MDGA2: variants seen among roughly 807,000 people sequenced by gnomAD.
MDGA2 encodes the protein MAM domain-containing glycosylphosphatidylinositol anchor protein 2.
Under a neutral mutation model 117.8 loss-of-function variants are expected in MDGA2, and 40 were observed. The observed-to-expected ratio is 0.34, with a 90% CI of 0.26 to 0.44. The LOEUF is 0.44. Ranked by LOEUF, MDGA2 falls within the 20% of genes least tolerant of loss-of-function variation. MDGA2 has a pLI of 1.00. For missense variants in MDGA2, 1,123 were observed against 1,250.6 expected, an observed-to-expected ratio of 0.90 and a Z score of 1.54; for synonymous variants, 452 against 439.0, an observed-to-expected ratio of 1.03 and a Z score of -0.37.
chr14:47,459,200 TG>T (rs1437388891), intron 1 of MDGA2, among the ~76,000 whole-genome samples: 3 of 151,314 alleles, frequency 2.0e-5, no homozygotes, highest in African/African-American at 7.3e-5. Context: ...TTACTGATGA[TG>T]GGTGAAAGGA....
intron 1 of MDGA2, among the ~76,000 whole-genome samples, chr14:47,462,331 G>A (rs1488547062): frequency 1.4e-5 from 2 of 146,512 alleles, no homozygotes; most frequent in Admixed American, 6.9e-5. Flanking sequence ...AGCCCAGATC[G>A]TGCCACTGCA....
intron 7 of MDGA2, among the ~76,000 whole-genome samples, chr14:47,041,580 T>A (rs1459281065): frequency 2.0e-5 from 3 of 152,086 alleles, no homozygotes; most frequent in African/African-American, 7.2e-5. Context: ...CAGGAGATGT[T>A]ATAATCAGAG....
chr14:47,073,386 C>G (rs185960582), intron 6 of MDGA2, among the ~76,000 whole-genome samples: 6 of 152,268 alleles, frequency 3.9e-5, no homozygotes, highest in South Asian at 4.1e-4. Context: ...CTCTATAGAG[C>G]CTCAATCTCC....
chr14:47,296,946 T>C (rs1889094770), intron 2 of MDGA2, among the ~76,000 whole-genome samples: 2 of 152,168 alleles, frequency 1.3e-5, no homozygotes, highest in Admixed American at 1.3e-4. Flanking sequence ...TGGTTCAAAC[T>C]TTAGTGGACA....
chr14:47,225,044 C>T (rs1886435588), intron 2 of MDGA2, among the ~76,000 whole-genome samples: 1 of 152,108 alleles, frequency 6.6e-6, no homozygotes, highest in African/African-American at 2.4e-5. Flanking sequence ...AAAAAAGAAC[C>T]ACAATTTTCT....
At chr14:46,969,533 C>T (rs1331930688) in intron 8 of MDGA2, among the ~76,000 whole-genome samples, 2 of 152,158 alleles carry the variant, frequency 1.3e-5, no homozygotes, top group Admixed American at 1.3e-4. Flanking sequence ...TGTCTGTTGG[C>T]TGCATAAATG....
At chr14:47,481,975 T>C (rs1893963054) in intron 1 of MDGA2, among the ~76,000 whole-genome samples, 1 of 151,948 alleles carries the variant, frequency 6.6e-6, no homozygotes, top group Admixed American at 6.6e-5. Context: ...TTCAGTAATG[T>C]TACAGGTACA....
chr14:46,853,206 G>T (rs1566491396), intron 15 of MDGA2, among the ~76,000 whole-genome samples: 1 of 151,772 alleles, frequency 6.6e-6, no homozygotes, highest in Non-Finnish European at 1.5e-5. Flanking sequence ...AAGTAAATTA[G>T]ACATTGCAGA....
chr14:47,384,232 C>T (rs957469626), intron 1 of MDGA2, among the ~76,000 whole-genome samples: 1 of 150,730 alleles, frequency 6.6e-6, no homozygotes, highest in Middle Eastern at 3.4e-3. Flanking sequence ...TACTTGGCAG[C>T]ATTGATGGAG....
intron 9 of MDGA2, among the ~76,000 whole-genome samples, chr14:46,940,766 A>C (rs1344150691): frequency 6.6e-6 from 1 of 152,150 alleles, no homozygotes; most frequent in Non-Finnish European, 1.5e-5. Context: ...GAAAGAACTG[A>C]ATGTTCAATG....
At chr14:47,173,421 G>T (rs1430132433) in intron 3 of MDGA2, among the ~76,000 whole-genome samples, 1 of 152,300 alleles carries the variant, frequency 6.6e-6, no homozygotes, top group Non-Finnish European at 1.5e-5. Context: ...TACCCACAAA[G>T]GGAAGCACAT....
intron 1 of MDGA2, among the ~76,000 whole-genome samples, chr14:47,666,892 A>G (rs1897983349): frequency 6.6e-6 from 1 of 152,130 alleles, no homozygotes. Flanking sequence ...AACTCCAGAC[A>G]TACCGCCTTA....
chr14:47,529,081 C>T (rs935945153), intron 1 of MDGA2, among the ~76,000 whole-genome samples: 1 of 151,858 alleles, frequency 6.6e-6, no homozygotes, highest in African/African-American at 2.4e-5. Flanking sequence ...TCACTACAAG[C>T]TCCGCCCCCC....
chr14:47,109,201 C>T (rs779282545), intron 5 of MDGA2, among the ~76,000 whole-genome samples: 1 of 152,184 alleles, frequency 6.6e-6, no homozygotes, highest in Non-Finnish European at 1.5e-5. Context: ...ATTTTAAGCA[C>T]AGTACTAGAC....
At chr14:47,651,030 G>C (rs1218403447) in intron 1 of MDGA2, among the ~76,000 whole-genome samples, 1 of 151,982 alleles carries the variant, frequency 6.6e-6, no homozygotes, top group Admixed American at 6.6e-5. Context: ...GAAGCTTTTT[G>C]GGTCTTTATT....
chr14:47,669,179 C>T (rs2138313859), intron 1 of MDGA2, among the ~76,000 whole-genome samples: 1 of 152,176 alleles, frequency 6.6e-6, no homozygotes, highest in South Asian at 2.1e-4. Context: ...TGCTTCTCAA[C>T]CAGGGTTTAA....
intron 3 of MDGA2, among the ~76,000 whole-genome samples, chr14:47,174,705 C>T (rs973853983): frequency 1.3e-5 from 2 of 151,940 alleles, no homozygotes; most frequent in Non-Finnish European, 2.9e-5. Context: ...AGGAAAGATA[C>T]AAAATTGACA....
At chr14:47,615,111 T>C (rs1896925858) in intron 1 of MDGA2, among the ~76,000 whole-genome samples, 2 of 152,134 alleles carry the variant, frequency 1.3e-5, no homozygotes, top group African/African-American at 4.8e-5. Context: ...TGTGGTATTA[T>C]TATTATTATT....
intron 7 of MDGA2, among the ~76,000 whole-genome samples, 175 bp from the exon 8 acceptor site, chr14:47,035,479 T>A (rs1180229736): frequency 6.6e-6 from 1 of 152,190 alleles, no homozygotes; most frequent in Non-Finnish European, 1.5e-5. Flanking sequence ...TTCTTAATTG[T>A]TTTCACTGTA....
Sources: gnomAD v4.1 joint callset for allele counts (sites outside exome capture counted in the v4.1 genomes callset) on GRCh38, gnomAD v4.1.1 for gene constraint, MANE v1.5 for transcripts, NCBI Gene and HGNC (gene_info 2026-07-23, HGNC 2026-07-21) for gene names.